Variants in LMO7 observed in about 807,000 individuals in gnomAD.
LMO7 encodes the protein LIM domain 7.
A neutral mutation model predicts 206.5 loss-of-function variants in LMO7; 120 were observed. The observed-to-expected ratio is 0.58, with a 90% CI of 0.50 to 0.68. The LOEUF (loss-of-function observed/expected upper bound fraction) is 0.68. Ranked by LOEUF, LMO7 falls within the 30% of genes least tolerant of loss-of-function variation. The pLI, the probability that LMO7 is intolerant of heterozygous loss-of-function variation, is 0.00. For synonymous variants in LMO7, 706 were observed against 681.5 expected, an observed-to-expected ratio of 1.04 and a Z score of -0.56; for missense variants, 1,959 against 1,957.9, an observed-to-expected ratio of 1.00 and a Z score of -0.01.
rs1410701614 is a variant in LMO7 at position 75,795,377 on chromosome 13, AATAG to A, written c.318-20_318-17del. 2 of 1,514,524 alleles carry A rather than the reference AATAG, an allele frequency of 1.3e-6. No homozygotes were observed. Among genetic ancestry groups the A allele is most frequent in the Non-Finnish European group, 1.8e-6 (2 of 1,100,810 alleles). The allele number at this position is 1,514,524 out of a possible 1,614,324, so 93.8% of individuals were successfully genotyped here. A position where few individuals can be genotyped will look rare whatever the true frequency, so the allele number is the denominator to read the frequency against. ...AATTTAAGGTTCACGGATATTACCTAATAGATATTTTCTTTCTTTACAGGCAAGA... is the reference window on the plus strand; with the variant it reads ...AATTTAAGGTTCACGGATATTACCTAATATTTTCTTTCTTTACAGGCAAGA... On this transcript the variant is annotated intron_variant, in intron 4 of 30. Coordinates refer to ENST00000377534, the MANE Select transcript of LMO7 (RefSeq NM_001306080.2).
At chr13:75,785,285 C>G (rs1391552098) in intron 4 of LMO7, among the ~76,000 whole-genome samples, 1 of 151,990 alleles carries the variant, frequency 6.6e-6, no homozygotes, top group African/African-American at 2.4e-5. Flanking sequence ...ATTAATAAAA[C>G]AGGGTCTTGG....
chr13:75,655,241 T>C (rs2037942546), intron 1 of LMO7, among the ~76,000 whole-genome samples: 1 of 152,218 alleles, frequency 6.6e-6, no homozygotes, highest in Non-Finnish European at 1.5e-5. Flanking sequence ...GTTTCTTATC[T>C]AGCTATAGAA....
intron 4 of LMO7, among the ~76,000 whole-genome samples, chr13:75,763,316 AG>A (rs1272901622): frequency 6.6e-6 from 1 of 152,218 alleles, no homozygotes; most frequent in Non-Finnish European, 1.5e-5. Context: ...ATAGTACTGG[AG>A]TTGAGAAACT....
chr13:75,814,900 G>C (rs2056815469), intron 11 of LMO7, among the ~76,000 whole-genome samples: 1 of 152,162 alleles, frequency 6.6e-6, no homozygotes, highest in Admixed American at 6.5e-5. Context: ...GGTGTGAGCA[G>C]GGCAGGGAAG....
chr13:75,808,049 T>C lies in LMO7; in HGVS notation c.1766T>C (p.Leu589Pro), dbSNP rs1447785094. The C allele has an allele frequency of 6.2e-7, 1 of 1,613,874 alleles. No individual in the cohort carries two copies. Among genetic ancestry groups the C allele is most frequent in the African/African-American group, 1.3e-5 (1 of 74,932 alleles). The change falls in exon 10 of 31, where the codon CTG (leucine) becomes CCG (proline). Residue 589 changes from leucine to proline, a missense_variant. By Grantham distance (98) the Leu-to-Pro change is moderately conservative. Coordinates refer to ENST00000377534, the MANE Select transcript of LMO7 (RefSeq NM_001306080.2). ...TATCGGCAGAAGAAAGATGACATGC[T>C]GACACGTAAGATTCAGTCCTGGAAA... Reference protein sequence around the residue: ...PSYRQKKDDMLTRKIQSWKLG... With the variant: ...PSYRQKKDDMPTRKIQSWKLG...
rs574661989 is a variant in LMO7, at chr13:75,773,895, C to T, written c.317+12857C>T. 7.9e-5 allele frequency among the ~76,000 whole-genome samples: 12 copies of T among 151,836 alleles called. No homozygotes were observed. In the South Asian group the frequency reaches 1.7e-3, roughly 21 times the overall value. ...GTGGAAAGAGAAGTATTCCTCATTC[C>T]GTTTTTAAAAATGAGCACTTCCTGG... On this transcript the variant is annotated intron_variant, in intron 4 of 30. Coordinates refer to ENST00000377534, the MANE Select transcript of LMO7 (RefSeq NM_001306080.2).
At chr13:75,795,243 A>G (rs528625267) in intron 4 of LMO7, among the ~76,000 whole-genome samples, 158 bp from the exon 5 acceptor site, 1 of 152,336 alleles carries the variant, frequency 6.6e-6, no homozygotes, top group African/African-American at 2.4e-5. Context: ...ATATGGAAAA[A>G]TTCTTCTGAT....
At chr13:75,677,123 C>CT (rs1233882743) in intron 1 of LMO7, among the ~76,000 whole-genome samples, 11 of 152,078 alleles carry the variant, frequency 7.2e-5, no homozygotes, top group African/African-American at 2.7e-4. Flanking sequence ...ACAGAGCTGG[C>CT]TGTGTATACA....
rs2060270591 is a variant in LMO7, at chr13:75,849,250, G to A, written c.4322G>A (p.Ser1441Asn). ...AGCTGGATCCGACAGCGCAGTGCCA[G>A]TGTCAACAAAGAGCCTGTTAGTCTT... ...DNSWIRQRSA[S>N]VNKEPVSLPG... is the part of the protein sequence containing the mutation. Residue 1441 changes from serine (S) to asparagine (N), a missense_variant, in exon 27 of 31, where the codon AGT becomes AAT. By Grantham distance (46) the Ser-to-Asn change is conservative (BLOSUM62 1). Coordinates refer to ENST00000377534, the MANE Select transcript of LMO7 (RefSeq NM_001306080.2). The A allele has an allele frequency of 6.2e-7, 1 of 1,614,036 alleles. No individual in the cohort carries two copies. The highest frequency in any genetic ancestry group is 1.1e-5 in the South Asian group (1 of 91,090).
Position 75,840,410 on chromosome 13 carries a change from G to C in LMO7, c.3497G>C (p.Ser1166Thr). 6.2e-7 allele frequency: 1 copy of C among 1,614,032 alleles called. No homozygotes were observed. Among genetic ancestry groups the C allele is most frequent in the Non-Finnish European group, 8.5e-7 (1 of 1,179,974 alleles). ...GGTTAGCTTCCAGTTCCAACCATCA[G>C]TGCCCCGAGTCGCTGGGTGTGGGAT... ...VVPDLPVPTI[S>T]APSRWVWDQE... Residue 1166 changes from serine (S) to threonine (T), a missense_variant, in exon 22 of 31, where the codon AGT becomes ACT. Transcript: ENST00000377534.
chr13:75,856,483 GTTC>G lies in LMO7; in HGVS notation c.4771-20_4771-18del. 1 of 1,463,918 alleles carries G rather than the reference GTTC, an allele frequency of 6.8e-7. No homozygotes were observed. Among genetic ancestry groups the G allele is most frequent in the East Asian group, 2.3e-5 (1 of 43,972 alleles). The allele number at this position is 1,463,918 out of a possible 1,614,324, so 90.7% of individuals were successfully genotyped here. A position where few individuals can be genotyped will look rare whatever the true frequency, so the allele number is the denominator to read the frequency against. ...TTTCTTGAGCTGACTGATTGTAGAT[GTTC>G]TTTTTTTTTTGTTCCCCAGTGTGTT... On this transcript the variant is annotated intron_variant, in intron 29 of 30. Transcript: ENST00000377534.
intron 3 of LMO7, among the ~76,000 whole-genome samples, chr13:75,732,524 G>T (rs150275390): frequency 0.031 from 4,752 of 152,084 alleles, 204 homozygotes; most frequent in African/African-American, 0.086. Flanking sequence ...TTATACATTC[G>T]TCTAAATTTT....
intron 3 of LMO7, chr13:75,760,530 A>G: frequency 1.6e-6 from 2 of 1,280,176 alleles, no homozygotes; most frequent in Non-Finnish European, 2.0e-6. Flanking sequence ...GGTGAATGTC[A>G]GTAGCTGGAG....
At position 75,709,405 on chromosome 13, in the gene LMO7, G is replaced by C. The variant is rs370009504; in HGVS notation, c.70-3777G>C. The stretch of plus-strand genomic sequence containing the variant: ...TCCACAATGGTTGAACTAGTTTACA[G>C]TCCCACCACCAGTGTAAAAGTGTTC... On this transcript the variant is annotated intron_variant, in intron 1 of 30. Coordinates refer to ENST00000377534, the MANE Select transcript of LMO7 (RefSeq NM_001306080.2). 2.0e-5 allele frequency among the ~76,000 whole-genome samples: 3 copies of C among 152,120 alleles called. No homozygotes were observed. The East Asian group carries it at 5.8e-4, about 29-fold the overall frequency.
At chr13:75,712,590 A>G (rs770433095) in intron 1 of LMO7, among the ~76,000 whole-genome samples, 43 of 152,118 alleles carry the variant, frequency 2.8e-4, no homozygotes, top group Non-Finnish European at 1.5e-4. Context: ...AATATTCACC[A>G]TCTCACCTCT....
intron 4 of LMO7, among the ~76,000 whole-genome samples, chr13:75,778,357 C>G (rs545137692): frequency 5.9e-5 from 9 of 152,156 alleles, no homozygotes; most frequent in African/African-American, 1.7e-4. Context: ...CTCAGCCTCC[C>G]GAGTAGCTGG....
chr13:75,752,053 C>A (rs530547536), intron 3 of LMO7, among the ~76,000 whole-genome samples: 2 of 152,022 alleles, frequency 1.3e-5, no homozygotes, highest in Non-Finnish European at 2.9e-5. Flanking sequence ...TAAGAGAAAT[C>A]TGGAGCATAA....
At chr13:75,658,942 T>C (rs149481097) in intron 1 of LMO7, among the ~76,000 whole-genome samples, 287 of 152,302 alleles carry the variant, frequency 1.9e-3, no homozygotes, top group African/African-American at 6.7e-3. Context: ...GAGAAGTTTT[T>C]CTATTCAGGA....
chr13:75,838,433 C>CT (rs750031068), intron 20 of LMO7: 5,447 of 308,870 alleles, frequency 0.018, no homozygotes, highest in South Asian at 0.031. Context: ...AAACATTTTA[C>CT]TTTTTTTTTT....
Sources: gnomAD v4.1 joint callset for allele counts (sites outside exome capture counted in the v4.1 genomes callset) on GRCh38, gnomAD v4.1.1 for gene constraint, MANE v1.5 for transcripts, NCBI Gene and HGNC (gene_info 2026-07-23, HGNC 2026-07-21) for gene names.